Variants in TNR observed in about 807,000 individuals in gnomAD.
TNR encodes tenascin-R.
Under a neutral mutation model 150.4 loss-of-function variants are expected in TNR, and 45 were observed. The ratio of observed to expected loss-of-function variants is 0.30; its 90% CI spans 0.24 to 0.38. The LOEUF is 0.38. Among genes scored for constraint, TNR ranks in the 10% least tolerant of loss-of-function variants. The pLI is 1.00. For missense variants in TNR, 1,544 were observed against 1,759.1 expected, an observed-to-expected ratio of 0.88 and a Z score of 2.19; for synonymous variants, 687 against 678.4, an observed-to-expected ratio of 1.01 and a Z score of -0.20.
chr1:175,387,000 G>A (rs140729895), intron 7 of TNR, among the ~76,000 whole-genome samples: 82 of 152,320 alleles, frequency 5.4e-4, no homozygotes, highest in African/African-American at 1.8e-3. Context: ...GGACATTGCA[G>A]TCACCTCTTC....
intron 1 of TNR, among the ~76,000 whole-genome samples, chr1:175,584,066 T>C (rs891331910): frequency 1.3e-5 from 2 of 152,192 alleles, no homozygotes; most frequent in African/African-American, 2.4e-5. Context: ...ATGGGTGCTA[T>C]TAATGGCTAA....
chr1:175,503,563 C>G (rs144666572), intron 2 of TNR, among the ~76,000 whole-genome samples: 5 of 152,124 alleles, frequency 3.3e-5, no homozygotes, highest in African/African-American at 1.2e-4. Context: ...AAATGAGAAG[C>G]TGCACGATTA....
chr1:175,606,066 C>A (rs751924715), intron 1 of TNR, among the ~76,000 whole-genome samples: 1 of 152,196 alleles, frequency 6.6e-6, no homozygotes, highest in Non-Finnish European at 1.5e-5. Flanking sequence ...CTTAAACGGA[C>A]AATAATTTAT....
chr1:175,354,838 A>G (rs1246823789), intron 17 of TNR, among the ~76,000 whole-genome samples: 2 of 152,172 alleles, frequency 1.3e-5, no homozygotes, highest in Non-Finnish European at 2.9e-5. Flanking sequence ...AGTGGGATCT[A>G]AGGCCTCCTT....
chr1:175,424,794 A>C (rs1013544751), intron 2 of TNR, among the ~76,000 whole-genome samples: 5 of 152,144 alleles, frequency 3.3e-5, no homozygotes, highest in African/African-American at 1.2e-4. Context: ...GAAGCTTCAA[A>C]GTGGGCTGGA....
rs111446962 is a variant in TNR, at chr1:175,323,699, G to A, written c.3958-223C>T. Among the ~76,000 whole-genome samples, 536 of 152,322 alleles carry A rather than the reference G, an allele frequency of 3.5e-3. 7 individuals are homozygous for A. The highest frequency in any genetic ancestry group is 0.012 in the African/African-American group (514 of 41,574). Reference sequence around the variant, plus strand: ...TGGCCTGGGTCTTTCCAGGGAACATGTTGCAGGTCATTCCTTATTGCCAGC... The same window carrying A: ...TGGCCTGGGTCTTTCCAGGGAACATATTGCAGGTCATTCCTTATTGCCAGC... On this transcript the variant is annotated intron_variant, in intron 22 of 22. Coordinates refer to ENST00000367674, the MANE Select transcript of TNR (RefSeq NM_003285.3).
intron 20 of TNR, among the ~76,000 whole-genome samples, chr1:175,334,253 C>CATTT (rs1416401135): frequency 6.6e-6 from 1 of 152,196 alleles, no homozygotes; most frequent in African/African-American, 2.4e-5. Flanking sequence ...CCTCCTCACT[C>CATTT]ATTTCTGGGC....
chr1:175,641,350 A>C (rs2101881166), intron 1 of TNR, among the ~76,000 whole-genome samples: 1 of 152,306 alleles, frequency 6.6e-6, no homozygotes, highest in African/African-American at 2.4e-5. Context: ...AGGGAGAGAG[A>C]AAGAACATCA....
chr1:175,363,830 A>G lies in TNR; in HGVS notation c.2588-3T>C, dbSNP rs1651711210. ...GATGTCTTTTGGGGGATCAATTCCT[A>G]CAAGGACCCAGTGATTGTGGGAAAA... On this transcript the variant is annotated splice_region_variant and splice_polypyrimidine_tract_variant and intron_variant, in intron 12 of 22. Coordinates refer to ENST00000367674, the MANE Select transcript of TNR (RefSeq NM_003285.3). The G allele has an allele frequency of 6.2e-7, 1 of 1,608,122 alleles. No homozygotes were observed. The highest frequency in any genetic ancestry group is 8.5e-7 in the Non-Finnish European group (1 of 1,176,620).
At chr1:175,716,776 C>T (rs998122776) in intron 1 of TNR, among the ~76,000 whole-genome samples, 1 of 152,230 alleles carries the variant, frequency 6.6e-6, no homozygotes, top group African/African-American at 2.4e-5. Context: ...TCAGGTGACT[C>T]TAATACGTAG....
At chr1:175,331,011 T>TTCTTTCTTTCTTTC (rs1649735762) in intron 20 of TNR, among the ~76,000 whole-genome samples, 4 of 51,836 alleles carry the variant, frequency 7.7e-5, no homozygotes, top group Non-Finnish European at 1.5e-4. Flanking sequence ...CTTTCTTTCT[T>TTCTTTCTTTCTTTC]TCTTTCTTTC....
At chr1:175,644,368 C>G (rs921289784) in intron 1 of TNR, among the ~76,000 whole-genome samples, 14 of 152,184 alleles carry the variant, frequency 9.2e-5, no homozygotes, top group African/African-American at 3.4e-4. Flanking sequence ...TTGATGTGAG[C>G]TATATTATAC....
intron 2 of TNR, among the ~76,000 whole-genome samples, chr1:175,506,625 A>G (rs1450204804): frequency 6.6e-6 from 1 of 152,228 alleles, no homozygotes; most frequent in Non-Finnish European, 1.5e-5. Flanking sequence ...CAAGCCTAAG[A>G]GAGAGGCCTC....
Position 175,364,927 on chromosome 1 carries a change from T to C in TNR, c.2587+83A>G, listed in dbSNP as rs559070703. ...AGGAAATCCCCTACTCCTTGGGTCTTTCTCTTTTAAAATTTCATTGATTTG... is the reference window on the plus strand; with the variant it reads ...AGGAAATCCCCTACTCCTTGGGTCTCTCTCTTTTAAAATTTCATTGATTTG... On this transcript the variant is annotated intron_variant, in intron 12 of 22. Coordinates refer to ENST00000367674, the MANE Select transcript of TNR (RefSeq NM_003285.3). The C allele has an allele frequency of 4.7e-5, 70 of 1,494,192 alleles. No individual in the cohort carries two copies. The East Asian group carries it at 1.5e-3, about 32-fold the overall frequency. 92.6% of individuals were successfully genotyped at this position (1,494,192 alleles called of 1,614,324 possible).
chr1:175,702,787 G>T (rs1022419284), intron 1 of TNR, among the ~76,000 whole-genome samples: 8 of 152,194 alleles, frequency 5.3e-5, no homozygotes, highest in African/African-American at 1.9e-4. Context: ...TCCACATTTG[G>T]GGAATGTTCT....
At chr1:175,382,033 C>G (rs186754528) in intron 8 of TNR, among the ~76,000 whole-genome samples, 1 of 152,234 alleles carries the variant, frequency 6.6e-6, no homozygotes, top group Admixed American at 6.5e-5. Flanking sequence ...TCAGTTAAAA[C>G]GTTACCTTTT....
At position 175,710,616 on chromosome 1, in the gene TNR, C is replaced by T. The variant is rs1411503945; in HGVS notation, c.-165+32610G>A. Among the ~76,000 whole-genome samples, 6 of 152,216 alleles carry T rather than the reference C, an allele frequency of 3.9e-5. No homozygotes were observed. In the East Asian group the frequency reaches 1.2e-3, roughly 29 times the overall value. On this transcript the variant is annotated intron_variant, in intron 1 of 22. Coordinates refer to ENST00000367674, the MANE Select transcript of TNR (RefSeq NM_003285.3). ...TCTTAAGTCCCACCAGTTACCCAGC[C>T]CTATCAACAATTATTCCCTTAGCAG...
At chr1:175,649,173 C>T (rs545498471) in intron 1 of TNR, among the ~76,000 whole-genome samples, 2 of 152,152 alleles carry the variant, frequency 1.3e-5, no homozygotes, top group Non-Finnish European at 2.9e-5. Flanking sequence ...TTCTGTTCAG[C>T]GGCTCTGCCT....
At chr1:175,702,150 T>G (rs1389563170) in intron 1 of TNR, among the ~76,000 whole-genome samples, 3 of 152,182 alleles carry the variant, frequency 2.0e-5, no homozygotes, top group Non-Finnish European at 4.4e-5. Flanking sequence ...TGAGACACAT[T>G]CTGTGGTTAT....
Sources: allele counts gnomAD v4.1 joint callset (sites outside exome capture counted in the v4.1 genomes callset), GRCh38; gene constraint gnomAD v4.1.1; transcripts MANE v1.5; gene names NCBI Gene and HGNC (gene_info 2026-07-23, HGNC 2026-07-21).